Variants in NTN1 observed in about 807,000 individuals in gnomAD.
NTN1 encodes netrin 1, also known as netrin-1.
Under a neutral mutation model 54.2 loss-of-function variants are expected in NTN1, and 11 were observed. The ratio of observed to expected loss-of-function variants is 0.20; its 90% CI spans 0.13 to 0.34. The LOEUF is 0.34. NTN1 is among the 10% of genes least tolerant of loss of function. NTN1 has a pLI of 1.00. For synonymous variants in NTN1, 371 were observed against 382.0 expected, an observed-to-expected ratio of 0.97 and a Z score of 0.33; for missense variants, 740 against 893.1, an observed-to-expected ratio of 0.83 and a Z score of 2.18.
intron 2 of NTN1, among the ~76,000 whole-genome samples, chr17:9,105,746 G>A (rs1225494899): frequency 6.6e-6 from 1 of 151,804 alleles, no homozygotes; most frequent in Non-Finnish European, 1.5e-5. Context: ...GTAGAGTACA[G>A]CCAATTTGTC....
chr17:9,200,968 CA>C (rs959878820), intron 5 of NTN1, among the ~76,000 whole-genome samples: 94 of 152,272 alleles, frequency 6.2e-4, no homozygotes, highest in African/African-American at 2.2e-3. Context: ...AATGAAGCCT[CA>C]AGTCCAACAA....
Position 9,158,429 on chromosome 17 carries a change from G to C in NTN1, c.1019-4384G>C, listed in dbSNP as rs1208729114. Among the ~76,000 whole-genome samples, 3 of 152,228 alleles carry C rather than the reference G, an allele frequency of 2.0e-5. No individual in the cohort carries two copies. The East Asian group carries it at 5.8e-4, about 29-fold the overall frequency. On this transcript the variant is annotated intron_variant, in intron 2 of 6. Transcript: ENST00000173229. ...TGTTATCAGGCCTTTCCTGGTACAA[G>C]GGAGGCCTGAGGAAGTGAGGCCTGG...
In NTN1 at chr17:9,155,418, C is replaced by T. The variant is rs1250870614; in HGVS notation, c.1019-7395C>T. 1.7e-4 allele frequency among the ~76,000 whole-genome samples: 25 copies of T among 151,306 alleles called. No individual in the cohort carries two copies. The East Asian group carries it at 4.3e-3, about 26-fold the overall frequency. On this transcript the variant is annotated intron_variant, in intron 2 of 6. Coordinates refer to ENST00000173229, the MANE Select transcript of NTN1 (RefSeq NM_004822.3). ...GTGCAATGGCGTGATCTCAGCTCACCGCAACCTTTGCCTCCCGGGTTCAAG... is the reference window on the plus strand; with the variant it reads ...GTGCAATGGCGTGATCTCAGCTCACTGCAACCTTTGCCTCCCGGGTTCAAG...
At chr17:9,201,450 A>T (rs1052142245) in intron 5 of NTN1, among the ~76,000 whole-genome samples, 1 of 152,238 alleles carries the variant, frequency 6.6e-6, no homozygotes, top group Non-Finnish European at 1.5e-5. Flanking sequence ...GAAGAGGAAC[A>T]TGAGACCAGA....
At chr17:9,013,153 C>T in the NTN1 span, among the ~76,000 whole-genome samples, 2 of 151,382 alleles carry the variant, frequency 1.3e-5, no homozygotes, top group African/African-American at 4.9e-5. Context: ...AGGGAAGAAT[C>T]TTCCTACCAC....
intron 2 of NTN1, among the ~76,000 whole-genome samples, chr17:9,040,965 T>C (rs1181562173): frequency 4.6e-5 from 7 of 152,126 alleles, no homozygotes; most frequent in Admixed American, 3.9e-4. Flanking sequence ...GTGTGCACCA[T>C]GCCCAGCTAA....
At chr17:9,207,465 C>A (rs768516151) in intron 5 of NTN1, among the ~76,000 whole-genome samples, 8 of 152,214 alleles carry the variant, frequency 5.3e-5, no homozygotes, top group Non-Finnish European at 1.0e-4. Flanking sequence ...CTCGCTGGAA[C>A]TTTAAAAGAT....
chr17:9,176,609 A>G (rs948372374), intron 3 of NTN1: 2 of 152,180 alleles, frequency 1.3e-5, no homozygotes, highest in Non-Finnish European at 2.9e-5. Context: ...AATGGGGGCC[A>G]TCTCGATTTG....
chr17:9,056,807 C>T (rs993265860), intron 2 of NTN1, among the ~76,000 whole-genome samples: 1 of 152,128 alleles, frequency 6.6e-6, no homozygotes, highest in African/African-American at 2.4e-5. Flanking sequence ...GAAGCAGGGG[C>T]TCCACCCCGT....
chr17:9,144,100 T>C (rs948502135), intron 2 of NTN1, among the ~76,000 whole-genome samples: 4 of 152,236 alleles, frequency 2.6e-5, no homozygotes, highest in African/African-American at 9.6e-5. Context: ...TTCACCATGT[T>C]GGCCAGGCTG....
chr17:9,050,726 G>C lies in NTN1; in HGVS notation c.1018+27335G>C, dbSNP rs1456763269. ...GGACTCCCAGCTCTGTCATGTACCA[G>C]CTAAATCCAGAGCCTCTCAGCCTCG... On this transcript the variant is annotated intron_variant, in intron 2 of 6. Coordinates refer to ENST00000173229, the MANE Select transcript of NTN1 (RefSeq NM_004822.3). 3.4e-5 allele frequency among the ~76,000 whole-genome samples: 5 copies of C among 148,600 alleles called. No homozygotes were observed. In the East Asian group the frequency reaches 5.9e-4, roughly 18 times the overall value.
chr17:9,237,343 C>T (rs1187006969), intron 6 of NTN1, among the ~76,000 whole-genome samples: 1 of 152,160 alleles, frequency 6.6e-6, no homozygotes, highest in African/African-American at 2.4e-5. Context: ...TCATAGGGCC[C>T]ACCCTAATGA....
intron 5 of NTN1, among the ~76,000 whole-genome samples, chr17:9,198,173 C>T (rs550816967): frequency 1.3e-5 from 2 of 152,222 alleles, no homozygotes; most frequent in East Asian, 3.9e-4. Context: ...GAGGGAAGCA[C>T]GAGAGTGCAG....
chr17:9,113,019 A>AT (rs398058563), intron 2 of NTN1, among the ~76,000 whole-genome samples: 14,477 of 141,056 alleles, frequency 0.1, 818 homozygotes, highest in African/African-American at 0.12. Flanking sequence ...TGTATACAGA[A>AT]TTTTTTTTAT....
intron 3 of NTN1, among the ~76,000 whole-genome samples, chr17:9,169,690 C>A (rs1284130294): frequency 2.6e-5 from 4 of 152,160 alleles, no homozygotes; most frequent in Non-Finnish European, 4.4e-5. Context: ...CATGGTGAAA[C>A]CCTGTCTCTA....
chr17:9,027,561 A>G (rs1319434592), intron 2 of NTN1, among the ~76,000 whole-genome samples: 1 of 152,170 alleles, frequency 6.6e-6, no homozygotes, highest in African/African-American at 2.4e-5. Flanking sequence ...GCAGTGATAT[A>G]TCCATGTGTA....
chr17:9,201,920 G>A (rs1197911135), intron 5 of NTN1, among the ~76,000 whole-genome samples: 4 of 151,250 alleles, frequency 2.6e-5, no homozygotes, highest in Admixed American at 6.6e-5. Context: ...GGGCGTGGTG[G>A]CTCACGCTTG....
chr17:9,151,150 G>T (rs1193429535), intron 2 of NTN1, among the ~76,000 whole-genome samples: 2 of 152,184 alleles, frequency 1.3e-5, no homozygotes, highest in Non-Finnish European at 2.9e-5. Context: ...GCCTAAGAGG[G>T]TCTGGCTGCG....
At chr17:9,138,702 A>G (rs762534800) in intron 2 of NTN1, among the ~76,000 whole-genome samples, 7 of 151,984 alleles carry the variant, frequency 4.6e-5, no homozygotes, top group Non-Finnish European at 1.0e-4. Context: ...AGACTGGAGG[A>G]GATAAGGCCA....
Sources: gnomAD v4.1 joint callset for allele counts (sites outside exome capture counted in the v4.1 genomes callset) on GRCh38, gnomAD v4.1.1 for gene constraint, MANE v1.5 for transcripts, NCBI Gene and HGNC (gene_info 2026-07-23, HGNC 2026-07-21) for gene names.